C3orf22: variants seen among roughly 807,000 people sequenced by gnomAD.
C3orf22 encodes uncharacterized protein C3orf22.
Under a neutral mutation model 10.8 loss-of-function variants are expected in C3orf22, and 7 were observed. That is an observed-to-expected ratio of 0.65 (90% CI 0.37 to 1.22). C3orf22 has a LOEUF of 1.22. Ranked by LOEUF, C3orf22 falls within the 50% of genes most tolerant of loss-of-function variation. The probability of loss-of-function intolerance (pLI) is 0.02; values close to 1 mark genes in which losing one functional copy is unlikely to be tolerated. For synonymous variants in C3orf22, 79 were observed against 78.9 expected, an observed-to-expected ratio of 1.00 and a Z score of 0.00; for missense variants, 173 against 177.0, an observed-to-expected ratio of 0.98 and a Z score of 0.13.
chr3:126,546,190 T>C (rs1937065176), downstream of C3orf22, among the ~76,000 whole-genome samples: 3 of 152,200 alleles, frequency 2.0e-5, no homozygotes, highest in African/African-American at 7.2e-5. Flanking sequence ...ACCAGGCCTC[T>C]TGGCCTGGGC....
At chr3:126,533,167 T>A (rs540864034) in intron 4 of C3orf22, among the ~76,000 whole-genome samples, 4 of 152,306 alleles carry the variant, frequency 2.6e-5, no homozygotes, top group African/African-American at 9.6e-5. Context: ...TACGGTTATG[T>A]CATCTATGAA....
chr3:126,542,478 G>T (rs771769757), intron 4 of C3orf22: 2 of 1,582,866 alleles, frequency 1.3e-6, no homozygotes, highest in Non-Finnish European at 1.7e-6. Context: ...CGCCTCTTCC[G>T]GGACATCAGC....
At chr3:126,554,472 C>T (rs555945932) in intron 1 of C3orf22, among the ~76,000 whole-genome samples, 51 of 152,288 alleles carry the variant, frequency 3.3e-4, no homozygotes, top group African/African-American at 1.2e-3. Context: ...CCATGTTGGC[C>T]AGGCTGGTCT....
chr3:126,530,563 G>T lies in C3orf22; in HGVS notation c.287-1191C>A, dbSNP rs374659654. Among the ~76,000 whole-genome samples the T allele has an allele frequency of 7.2e-5, 11 of 152,352 alleles. 1 individual carries two copies. The highest frequency in any genetic ancestry group is 3.9e-4 in the Admixed American group (6 of 15,308). On this transcript the variant is annotated intron_variant and NMD_transcript_variant, in intron 4 of 5. Coordinates refer to the C3orf22 transcript ENST00000505070. ...AAGGGACACGTCTCATCTGCAACAC[G>T]GCGAGAAGGCCTGGCCTCCTCTCAT...
chr3:126,556,865 C>CAT lies in C3orf22; in HGVS notation c.-41+1760_-41+1761dup, dbSNP rs199727349. 4.9e-3 allele frequency among the ~76,000 whole-genome samples: 723 copies of CAT among 147,820 alleles called. 3 individuals carry two copies. The highest frequency in any genetic ancestry group is 0.018 in the African/African-American group (701 of 39,370). ...CAGACACCCCCCACACACAGACTCA[C>CAT]ATACACACACACACACAGACTCACA... On this transcript the variant is annotated intron_variant, in intron 1 of 3. Transcript: ENST00000318225.
intron 4 of C3orf22, chr3:126,529,373 C>G (rs987396509): frequency 7.8e-7 from 1 of 1,289,310 alleles, no homozygotes; most frequent in Non-Finnish European, 1.0e-6. Context: ...GCCCACTTGC[C>G]TACGGATGCC....
At chr3:126,537,251 G>A (rs1019543825) in intron 4 of C3orf22, among the ~76,000 whole-genome samples, 3 of 152,248 alleles carry the variant, frequency 2.0e-5, no homozygotes, top group Admixed American at 6.5e-5. Context: ...AGGGCCAAGC[G>A]CCACAGGCAG....
chr3:126,542,024 G>A (rs868823115), intron 4 of C3orf22: 9 of 1,569,228 alleles, frequency 5.7e-6, no homozygotes, highest in Non-Finnish European at 6.9e-6. Flanking sequence ...CTTCAGCCCC[G>A]CCGAGATCAA....
rs536767616 is a variant in C3orf22 at position 126,553,358 on chromosome 3, C to T, written c.33G>A (p.Gln11=). Residue 11 remains glutamine, a synonymous_variant, in exon 2 of 4, where the codon CAG becomes CAA. Coordinates refer to ENST00000318225, the MANE Select transcript of C3orf22 (RefSeq NM_152533.3). ...GGGCCTGGATCCTCCACTTCTTACT[C>T]TGGTGAGACTTCTTGCAGGCACTGG... MDSSACKKSH[Q]SKKWRIQAQE... is the part of the protein sequence containing the mutation. 5 of 1,613,936 alleles carry T rather than the reference C, an allele frequency of 3.1e-6. No individual in the cohort carries two copies. The East Asian group carries it at 8.9e-5, about 29-fold the overall frequency.
chr3:126,548,787 T>C (rs1029766896), downstream of C3orf22, among the ~76,000 whole-genome samples: 1 of 152,204 alleles, frequency 6.6e-6, no homozygotes, highest in Non-Finnish European at 1.5e-5. Flanking sequence ...ACCCCTGTCC[T>C]GCCCCCAGGG....
intron 4 of C3orf22, chr3:126,536,474 C>G (rs1273925259): frequency 1.1e-5 from 8 of 696,292 alleles, no homozygotes; most frequent in Non-Finnish European, 1.9e-5. Context: ...GAAGGGCATC[C>G]TCCCCAAACC....
Position 126,552,134 on chromosome 3 carries a change from C to A in C3orf22, c.90-12G>T. ...TCAGCCACGACAACCTGCAACAGCA[C>A]TTGGAATGTCAACATGGCCACCATC... On this transcript the variant is annotated splice_polypyrimidine_tract_variant and intron_variant, in intron 2 of 3. Transcript: ENST00000318225. 1.9e-6 allele frequency: 3 copies of A among 1,613,430 alleles called. No homozygotes were observed. The highest frequency in any genetic ancestry group is 2.5e-6 in the Non-Finnish European group (3 of 1,179,774).
chr3:126,558,584 T>C (rs1197467371), intron 1 of C3orf22, 43 bp downstream of exon 1: 1 of 152,414 alleles, frequency 6.6e-6, no homozygotes, highest in Non-Finnish European at 1.5e-5. Context: ...CCTAACCGAC[T>C]TGGGGACTGT....
At chr3:126,539,856 C>CTCCAT (rs1936907225) in intron 4 of C3orf22, among the ~76,000 whole-genome samples, 2 of 1,114 alleles carry the variant, frequency 1.8e-3, no homozygotes, top group African/African-American at 4.5e-3. Context: ...ATCACACACA[C>CTCCAT]ACACCCCACA....
intron 4 of C3orf22, among the ~76,000 whole-genome samples, chr3:126,535,350 C>A (rs541683315): frequency 1.3e-5 from 2 of 150,552 alleles, no homozygotes; most frequent in Admixed American, 6.6e-5. Context: ...TGTCCTCAGC[C>A]GGGAGACACA....
chr3:126,548,687 T>C (rs892008110), downstream of C3orf22, among the ~76,000 whole-genome samples: 1 of 152,054 alleles, frequency 6.6e-6, no homozygotes, highest in Non-Finnish European at 1.5e-5. Flanking sequence ...GCCTGGAGTC[T>C]TGGCTGGGGC....
chr3:126,542,185 C>T lies in C3orf22; in HGVS notation c.286+7352G>A, dbSNP rs372671461. On this transcript the variant is annotated intron_variant and NMD_transcript_variant, in intron 4 of 5. Coordinates refer to the C3orf22 transcript ENST00000505070. ...GCATCGTTCAGCGCCTGCGGCCGCG[C>T]GCGCTCCCCGACGCCCGGGCCCGCG... 1.9e-4 allele frequency: 280 copies of T among 1,443,106 alleles called. 1 individual carries two copies. Among genetic ancestry groups the T allele is most frequent in the Non-Finnish European group, 2.4e-4 (264 of 1,105,338 alleles). The allele number at this position is 1,443,106 out of a possible 1,614,324, so 89.4% of individuals were successfully genotyped here. A position where few individuals can be genotyped will look rare whatever the true frequency, so the allele number is the denominator to read the frequency against.
rs931590966 is a variant in C3orf22, at chr3:126,553,561, C to T, written c.-40-131G>A. ...CCTGCATCACTGCCCTGTGCATGCA[C>T]CGCTGTGTTCAATTTTCTCCTGCGT... On this transcript the variant is annotated intron_variant, in intron 1 of 3. Transcript: ENST00000318225. 10 of 630,876 alleles carry T rather than the reference C, an allele frequency of 1.6e-5. No individual in the cohort carries two copies. The African/African-American group carries it at 1.8e-4, about 12-fold the overall frequency. 39.1% of individuals were successfully genotyped at this position (630,876 alleles called of 1,614,324 possible).
chr3:126,529,304 G>A, exon 5 of C3orf22: 6 of 1,288,882 alleles, frequency 4.7e-6, no homozygotes, highest in Non-Finnish European at 6.1e-6. Flanking sequence ...ATGGCCTTGA[G>A]CAGCTCTCTC....
Sources: allele counts gnomAD v4.1 joint callset (sites outside exome capture counted in the v4.1 genomes callset), GRCh38; gene constraint gnomAD v4.1.1; transcripts MANE v1.5; gene names NCBI Gene and HGNC (gene_info 2026-07-23, HGNC 2026-07-21).